MYRIP: variants seen among roughly 807,000 people sequenced by gnomAD.
MYRIP encodes rab effector MyRIP.
MYRIP carries 49 observed loss-of-function variants against 98.0 expected under a neutral mutation model. The observed-to-expected ratio is 0.50, with a 90% CI of 0.40 to 0.63. The LOEUF (loss-of-function observed/expected upper bound fraction) is 0.63. Among genes scored for constraint, MYRIP ranks in the 30% least tolerant of loss-of-function variants. The pLI is 0.00. For missense variants in MYRIP, 1,004 were observed against 1,058.2 expected (o/e 0.95, Z 0.71); for synonymous variants, 404 against 409.5 (o/e 0.99, Z 0.16).
At chr3:40,093,037 C>A (rs944269565) in intron 3 of MYRIP, among the ~76,000 whole-genome samples, 1 of 152,138 alleles carries the variant, frequency 6.6e-6, no homozygotes, top group East Asian at 1.9e-4. Context: ...TTGTGCTGAA[C>A]CCCTCCCTGT....
chr3:39,886,812 T>C (rs1283373591), intron 1 of MYRIP, among the ~76,000 whole-genome samples: 1 of 151,938 alleles, frequency 6.6e-6, no homozygotes, highest in Non-Finnish European at 1.5e-5. Context: ...TACCCAGGAA[T>C]TGAACTCAGC....
At chr3:39,985,187 T>TGG (rs1946002119) in intron 2 of MYRIP, among the ~76,000 whole-genome samples, 1 of 151,240 alleles carries the variant, frequency 6.6e-6, no homozygotes, top group Admixed American at 6.6e-5. Context: ...AGCCAAATCA[T>TGG]GAGTGAACTC....
chr3:40,160,012 G>T (rs13065474), intron 4 of MYRIP, among the ~76,000 whole-genome samples: 1 of 152,174 alleles, frequency 6.6e-6, no homozygotes, highest in African/African-American at 2.4e-5. Flanking sequence ...GTCATTCTCC[G>T]TCCAGCTTTG....
intron 1 of MYRIP, among the ~76,000 whole-genome samples, chr3:39,810,267 G>T (rs1940628122): frequency 6.6e-6 from 1 of 152,186 alleles, no homozygotes; most frequent in Non-Finnish European, 1.5e-5. Context: ...ACTGTGCTGC[G>T]GGCGCACCGG....
At chr3:40,255,291 G>T (rs1363122454) in intron 16 of MYRIP, among the ~76,000 whole-genome samples, 1 of 152,120 alleles carries the variant, frequency 6.6e-6, no homozygotes, top group African/African-American at 2.4e-5. Flanking sequence ...TGGGAAGGGG[G>T]AACAGGAAGA....
intron 3 of MYRIP, among the ~76,000 whole-genome samples, chr3:40,141,826 C>T: frequency 6.6e-6 from 1 of 152,148 alleles, no homozygotes; most frequent in East Asian, 1.9e-4. Context: ...ATGCCAGTAC[C>T]ATGCTGTTTT....
chr3:40,044,053 G>A lies in MYRIP; in HGVS notation c.114G>A (p.Glu38=). ...LRKKEEERLS[E]LKQKLDEEGS... Reference sequence around the variant, plus strand: ...TTCCCCTACCTTGGTTTCCCAGTGAGCTGAAGCAGAAGCTGGATGAGGAAG... The same window carrying A: ...TTCCCCTACCTTGGTTTCCCAGTGAACTGAAGCAGAAGCTGGATGAGGAAG... The change falls in exon 3 of 17, where the codon GAG becomes GAA. Residue 38 remains glutamate (E), a synonymous_variant. Coordinates refer to ENST00000302541, the MANE Select transcript of MYRIP (RefSeq NM_015460.4). The A allele has an allele frequency of 6.2e-7, 1 of 1,613,644 alleles. No homozygotes were observed. Among genetic ancestry groups the A allele is most frequent in the South Asian group, 1.1e-5 (1 of 90,994 alleles).
chr3:40,024,131 A>G (rs902223025), intron 2 of MYRIP, among the ~76,000 whole-genome samples: 1 of 152,176 alleles, frequency 6.6e-6, no homozygotes, highest in Non-Finnish European at 1.5e-5. Flanking sequence ...CTCTACTTGT[A>G]TATGAAACAT....
intron 2 of MYRIP, among the ~76,000 whole-genome samples, chr3:40,003,863 T>A (rs958579585): frequency 2.6e-5 from 4 of 152,198 alleles, no homozygotes; most frequent in African/African-American, 9.6e-5. Flanking sequence ...CTAAGAGGTT[T>A]ATACCTGAAT....
At chr3:39,991,605 A>G (rs1441211100) in intron 2 of MYRIP, among the ~76,000 whole-genome samples, 3 of 152,140 alleles carry the variant, frequency 2.0e-5, no homozygotes, top group African/African-American at 7.2e-5. Flanking sequence ...GCAACAGGCA[A>G]GCTTCTCTCT....
At chr3:39,857,025 G>A (rs1463541407) in intron 1 of MYRIP, among the ~76,000 whole-genome samples, 3 of 152,110 alleles carry the variant, frequency 2.0e-5, no homozygotes, top group African/African-American at 4.8e-5. Context: ...TTTGAGACCA[G>A]CCTGGACAAC....
intron 2 of MYRIP, among the ~76,000 whole-genome samples, chr3:39,944,260 G>A (rs1010644714): frequency 6.6e-6 from 1 of 151,928 alleles, no homozygotes; most frequent in Non-Finnish European, 1.5e-5. Flanking sequence ...ATTTGAAATG[G>A]TATATATTTG....
intron 2 of MYRIP, among the ~76,000 whole-genome samples, chr3:39,968,299 A>G (rs1277158922): frequency 1.3e-5 from 2 of 151,832 alleles, no homozygotes; most frequent in African/African-American, 2.4e-5. Context: ...CAGCCTCCCA[A>G]GTAGCTGGGA....
In MYRIP at chr3:39,842,249, G is replaced by A. The variant is rs144404592; in HGVS notation, c.-31+32333G>A. On this transcript the variant is annotated intron_variant, in intron 1 of 16. Coordinates refer to ENST00000302541, the MANE Select transcript of MYRIP (RefSeq NM_015460.4). Reference sequence around the variant, plus strand: ...CCAGTTTGAACTTCCAGGTGGCTTCGTTTATACTGTAAGGGGAAAACCACC... The same window carrying A: ...CCAGTTTGAACTTCCAGGTGGCTTCATTTATACTGTAAGGGGAAAACCACC... Among the ~76,000 whole-genome samples, 949 of 152,218 alleles carry A rather than the reference G, an allele frequency of 6.2e-3. 11 individuals are homozygous for A. The highest frequency in any genetic ancestry group is 0.021 in the African/African-American group (892 of 41,538).
chr3:40,055,484 G>A (rs989373267), intron 3 of MYRIP, among the ~76,000 whole-genome samples: 2 of 152,082 alleles, frequency 1.3e-5, no homozygotes, highest in Non-Finnish European at 2.9e-5. Flanking sequence ...CTTTAAAATT[G>A]AGGCAACAGT....
chr3:40,122,666 G>A (rs976088540), intron 3 of MYRIP, among the ~76,000 whole-genome samples: 1 of 151,640 alleles, frequency 6.6e-6, no homozygotes, highest in Non-Finnish European at 1.5e-5. Context: ...TGGTCTATAA[G>A]ACGTTTTGAT....
chr3:39,899,961 C>G (rs1199889993), intron 1 of MYRIP, among the ~76,000 whole-genome samples: 1 of 152,146 alleles, frequency 6.6e-6, no homozygotes, highest in African/African-American at 2.4e-5. Context: ...GCTGGGACTA[C>G]AGGCGACGCT....
At chr3:39,900,327 A>G (rs1246551013) in intron 1 of MYRIP, among the ~76,000 whole-genome samples, 1 of 150,526 alleles carries the variant, frequency 6.6e-6, no homozygotes, top group Non-Finnish European at 1.5e-5. Context: ...TATATTATAC[A>G]TAGGATTTTT....
At chr3:40,123,051 A>T (rs774703218) in intron 3 of MYRIP, among the ~76,000 whole-genome samples, 1 of 152,198 alleles carries the variant, frequency 6.6e-6, no homozygotes, top group Non-Finnish European at 1.5e-5. Context: ...TTTTGTATGA[A>T]TACATCTAAT....
Sources: gnomAD v4.1 joint callset for allele counts (sites outside exome capture counted in the v4.1 genomes callset) on GRCh38, gnomAD v4.1.1 for gene constraint, MANE v1.5 for transcripts, NCBI Gene and HGNC (gene_info 2026-07-23, HGNC 2026-07-21) for gene names.